The following ADAMTS9 variants were observed in gnomAD, a reference collection of about 807,000 sequenced individuals.
ADAMTS9 encodes ADAM metallopeptidase with thrombospondin type 1 motif 9, also known as A disintegrin and metalloproteinase with thrombospondin motifs 9.
In ADAMTS9, 107 loss-of-function variants were observed where a neutral mutation model predicts 257.1. That is an observed-to-expected ratio of 0.42 (90% confidence interval 0.36 to 0.49). The LOEUF (loss-of-function observed/expected upper bound fraction) is 0.49. Ranked by LOEUF, ADAMTS9 falls within the 20% of genes least tolerant of loss-of-function variation. The probability of loss-of-function intolerance (pLI) is 0.03; values close to 1 mark genes in which losing one functional copy is unlikely to be tolerated. For synonymous variants in ADAMTS9, 982 were observed against 880.9 expected, an observed-to-expected ratio of 1.11 and a Z score of -2.03; for missense variants, 2,353 against 2,469.1, an observed-to-expected ratio of 0.95 and a Z score of 1.00.
chr3:64,545,527 A>G (rs1032066632), intron 32 of ADAMTS9, among the ~76,000 whole-genome samples: 2 of 152,144 alleles, frequency 1.3e-5, no homozygotes, highest in Non-Finnish European at 2.9e-5. Flanking sequence ...CAAACACTGC[A>G]TGTTCTCACT....
At chr3:64,567,718 A>T (rs780252170) in intron 29 of ADAMTS9, among the ~76,000 whole-genome samples, 16 of 151,982 alleles carry the variant, frequency 1.1e-4, no homozygotes, top group Non-Finnish European at 2.4e-4. Flanking sequence ...CATCCCATAC[A>T]CACATCACAC....
At chr3:64,610,691 C>T (rs1379477811) in intron 22 of ADAMTS9, among the ~76,000 whole-genome samples, 7 of 151,626 alleles carry the variant, frequency 4.6e-5, no homozygotes, top group Non-Finnish European at 1.0e-4. Context: ...ACAATTTTGG[C>T]GAGGATGTGG....
At chr3:64,592,097 C>T (rs1051722612) in intron 28 of ADAMTS9, among the ~76,000 whole-genome samples, 1 of 151,950 alleles carries the variant, frequency 6.6e-6, no homozygotes, top group Non-Finnish European at 1.5e-5. Context: ...AAAGACTGCC[C>T]TCTCACTCAT....
At chr3:64,620,389 C>T (rs1352501158) in intron 19 of ADAMTS9, among the ~76,000 whole-genome samples, 1 of 151,428 alleles carries the variant, frequency 6.6e-6, no homozygotes, top group East Asian at 1.9e-4. Flanking sequence ...TTAACACATT[C>T]CTATACCACT....
intron 31 of ADAMTS9, among the ~76,000 whole-genome samples, chr3:64,547,179 C>T (rs2083211395): frequency 6.6e-6 from 1 of 152,304 alleles, no homozygotes; most frequent in South Asian, 2.1e-4. Context: ...TCTTCTCAGC[C>T]CCCACTGCAG....
At position 64,641,911 on chromosome 3, in the gene ADAMTS9, C is replaced by A. The variant is rs33998556; in HGVS notation, c.1793G>T (p.Gly598Val). 1.2e-3 allele frequency: 1,887 copies of A among 1,614,092 alleles called. 12 individuals are homozygous for A. In the African/African-American group the frequency reaches 0.022, roughly 19 times the overall value. ...CCCTCCACATGTTCTGGAGCAGGTT[C>A]CAAAGGGACTCCAACTTCCCCAGGA... ...DGSWGSWSPF[G>V]TCSRTCGGGI... The change falls in exon 12 of 40, where the codon GGA (glycine) becomes GTA (valine). Residue 598 changes from glycine to valine, a missense_variant. This residue lies in a region of ADAMTS9 where 360 missense variants were observed against 458.1 expected (regional missense o/e 0.79). Transcript: ENST00000498707.
chr3:64,610,498 A>T (rs1023687489), intron 22 of ADAMTS9, among the ~76,000 whole-genome samples: 2 of 113,490 alleles, frequency 1.8e-5, no homozygotes, highest in African/African-American at 1.0e-4. Context: ...CTATTAACAC[A>T]ATTCATATTT....
At chr3:64,588,068 G>C (rs748453807) in intron 28 of ADAMTS9, 1 of 152,130 alleles carries the variant, frequency 6.6e-6, no homozygotes, top group Non-Finnish European at 1.5e-5. Flanking sequence ...GTTTTTAAAA[G>C]TTCTGTGCCA....
intron 38 of ADAMTS9, among the ~76,000 whole-genome samples, chr3:64,530,635 C>T (rs568397868): frequency 1.0e-3 from 159 of 151,776 alleles, no homozygotes; most frequent in Admixed American, 2.1e-3. Context: ...AGTGATCATT[C>T]TTTCCATAAG....
Position 64,686,285 on chromosome 3 carries a change from G to A in ADAMTS9, c.516+283C>T, listed in dbSNP as rs1297296898. 6.6e-6 allele frequency among the ~76,000 whole-genome samples: 1 copy of A among 152,260 alleles called. No homozygotes were observed. The highest frequency in any genetic ancestry group is 6.5e-5 in the Admixed American group (1 of 15,288). On this transcript the variant is annotated intron_variant, in intron 2 of 39. Coordinates refer to ENST00000498707, the MANE Select transcript of ADAMTS9 (RefSeq NM_182920.2). This position sits in a 1 kb window ranked among gnomAD's most constrained non-coding sequence, Gnocchi z 4.6. ...TCCGAGTTTGGAAACTGACTTCCAGGCCGCCTCGCAGCGTTGGGCAACGCG... is the reference window on the plus strand; with the variant it reads ...TCCGAGTTTGGAAACTGACTTCCAGACCGCCTCGCAGCGTTGGGCAACGCG...
intron 11 of ADAMTS9, among the ~76,000 whole-genome samples, chr3:64,645,853 C>T (rs1700772805): frequency 6.6e-6 from 1 of 152,172 alleles, no homozygotes; most frequent in South Asian, 2.1e-4. Flanking sequence ...GCTGAAAGCT[C>T]TCCCGAAGCT....
At chr3:64,582,419 A>G (rs1427553769) in intron 28 of ADAMTS9, 1 of 152,198 alleles carries the variant, frequency 6.6e-6, no homozygotes, top group African/African-American at 2.4e-5. Context: ...GAGGAAGGGA[A>G]TGATTTTATA....
intron 36 of ADAMTS9, among the ~76,000 whole-genome samples, chr3:64,540,257 C>T (rs1448394205): frequency 1.3e-5 from 2 of 152,130 alleles, no homozygotes; most frequent in Non-Finnish European, 2.9e-5. Context: ...GTACAAATCA[C>T]GTTTAATCTA....
At chr3:64,660,819 G>GA (rs1053617639) in intron 3 of ADAMTS9, among the ~76,000 whole-genome samples, 4 of 150,330 alleles carry the variant, frequency 2.7e-5, no homozygotes, top group African/African-American at 7.3e-5. Context: ...AATAAGCAAA[G>GA]AAAAAAAAAC....
At chr3:64,680,651 C>T (rs1381228554) in intron 3 of ADAMTS9, among the ~76,000 whole-genome samples, 1 of 152,192 alleles carries the variant, frequency 6.6e-6, no homozygotes, top group Non-Finnish European at 1.5e-5. Context: ...TGGTACCTCA[C>T]AGCATAACGT....
chr3:64,533,922 T>A (rs557641956), intron 37 of ADAMTS9, among the ~76,000 whole-genome samples: 23 of 152,322 alleles, frequency 1.5e-4, no homozygotes, highest in Middle Eastern at 6.8e-3. Context: ...TGGCCTCTGG[T>A]GCCTCAATAT....
chr3:64,658,806 A>G lies in ADAMTS9; in HGVS notation c.680-15T>C, dbSNP rs899104045. On this transcript the variant is annotated splice_polypyrimidine_tract_variant and intron_variant, in intron 3 of 39. Transcript: ENST00000498707. ...ATTTTTGTGTTCTGTAACAAATCAGATGGTATGCATTACATTTCAAGCCAC... is the reference window on the plus strand; with the variant it reads ...ATTTTTGTGTTCTGTAACAAATCAGGTGGTATGCATTACATTTCAAGCCAC... 1.2e-6 allele frequency: 2 copies of G among 1,603,768 alleles called. No homozygotes were observed. The highest frequency in any genetic ancestry group is 1.3e-5 in the African/African-American group (1 of 74,094).
intron 26 of ADAMTS9, among the ~76,000 whole-genome samples, chr3:64,601,472 T>A (rs1306484507): frequency 6.6e-6 from 1 of 152,140 alleles, no homozygotes; most frequent in Admixed American, 6.5e-5. Flanking sequence ...AGTCTAGTAT[T>A]TCCCCCTAAT....
In ADAMTS9 at chr3:64,561,646, C is replaced by G; in HGVS notation, c.4630G>C (p.Glu1544Gln). 2 of 1,614,100 alleles carry G rather than the reference C, an allele frequency of 1.2e-6. No individual in the cohort carries two copies. The highest frequency in any genetic ancestry group is 1.7e-6 in the Non-Finnish European group (2 of 1,180,012). Residue 1544 changes from glutamate to glutamine, a missense_variant, in exon 30 of 40, where the codon GAG (glutamate) becomes CAG (glutamine). Coordinates refer to ENST00000498707, the MANE Select transcript of ADAMTS9 (RefSeq NM_182920.2). ...GGGCCTTGGCAGTCGCGTTCCGACT[C>G]CGGTCTGGTGTATGGGTTGCACTCG... ...ETECNPYTRP[E>Q]SERDCQGPRC...
Sources: gnomAD v4.1 joint callset for allele counts (sites outside exome capture counted in the v4.1 genomes callset) on GRCh38, gnomAD v4.1.1 for gene constraint, gnomAD v4.1.1 regional missense constraint, Gnocchi (gnomAD v3.1) non-coding constraint, MANE v1.5 for transcripts, NCBI Gene and HGNC (gene_info 2026-07-23, HGNC 2026-07-21) for gene names.